Variants in WWOX observed in about 807,000 individuals in gnomAD.
WWOX encodes the protein WW domain-containing oxidoreductase.
A neutral mutation model predicts 46.2 loss-of-function variants in WWOX; 69 were observed. The observed-to-expected ratio is 1.49, with a 90% CI of 1.23 to 1.82. WWOX has a LOEUF of 1.82. Among genes scored for constraint, WWOX ranks in the 40% most tolerant of loss-of-function variants. The probability of loss-of-function intolerance (pLI) is 0.00; values close to 1 mark genes in which losing one functional copy is unlikely to be tolerated. For missense variants in WWOX, 919 were observed against 542.6 expected (o/e 1.69, Z -6.89); for synonymous variants, 359 against 202.6 (o/e 1.77, Z -6.56).
At chr16:78,450,644 T>C (rs2083669623) in intron 8 of WWOX, among the ~76,000 whole-genome samples, 1 of 152,220 alleles carries the variant, frequency 6.6e-6, no homozygotes, top group East Asian at 1.9e-4. Context: ...TTAATATTTC[T>C]AGGCAGGTGA....
At chr16:78,943,758 A>G (rs6564626) in intron 8 of WWOX, among the ~76,000 whole-genome samples, 32,024 of 151,766 alleles carry the variant, frequency 0.21, 5,188 homozygotes, top group African/African-American at 0.45. Context: ...GCTTCCTGCA[A>G]CTCCTTCTGG....
At chr16:78,325,157 G>C (rs2080584768) in intron 5 of WWOX, among the ~76,000 whole-genome samples, 2 of 152,210 alleles carry the variant, frequency 1.3e-5, no homozygotes, top group Admixed American at 6.5e-5. Context: ...GCACTGCTCA[G>C]AGGAACTGGT....
chr16:79,057,571 G>C (rs754768204), intron 8 of WWOX, among the ~76,000 whole-genome samples: 2 of 104,784 alleles, frequency 1.9e-5, no homozygotes, highest in East Asian at 2.2e-4. Context: ...TGCCTTCAGA[G>C]AGTTGGTGAT....
chr16:79,208,285 T>A (rs2051588559), intron 8 of WWOX, among the ~76,000 whole-genome samples: 2 of 152,086 alleles, frequency 1.3e-5, no homozygotes, highest in South Asian at 4.2e-4. Flanking sequence ...GTCAACAACC[T>A]AACTCATTGC....
intron 8 of WWOX, among the ~76,000 whole-genome samples, chr16:78,905,314 A>G (rs2044933933): frequency 6.6e-6 from 1 of 152,230 alleles, no homozygotes; most frequent in African/African-American, 2.4e-5. Context: ...AAGCAAATCT[A>G]AGAAAAATTC....
At chr16:79,033,651 C>T (rs1014749800) in intron 8 of WWOX, among the ~76,000 whole-genome samples, 13 of 152,102 alleles carry the variant, frequency 8.5e-5, no homozygotes, top group African/African-American at 2.7e-4. Flanking sequence ...CATGACCATC[C>T]ATCTCCAGAA....
intron 5 of WWOX, among the ~76,000 whole-genome samples, chr16:78,237,937 C>G (rs1597387398): frequency 6.6e-6 from 1 of 152,140 alleles, no homozygotes; most frequent in Non-Finnish European, 1.5e-5. Context: ...AATTTTCAGT[C>G]TTTTTTGTAG....
At chr16:78,710,148 C>A (rs2048408550) in intron 8 of WWOX, among the ~76,000 whole-genome samples, 1 of 151,964 alleles carries the variant, frequency 6.6e-6, no homozygotes, top group East Asian at 1.9e-4. Context: ...TCATGTTGAC[C>A]TGCTTGTGTT....
chr16:78,610,464 G>C (rs572177403), intron 8 of WWOX, among the ~76,000 whole-genome samples: 16 of 152,266 alleles, frequency 1.1e-4, no homozygotes, highest in Middle Eastern at 3.4e-3. Flanking sequence ...TTATTTAAAA[G>C]ATAAAAGGTC....
chr16:78,158,430 C>T (rs2034676437), intron 4 of WWOX, among the ~76,000 whole-genome samples: 1 of 152,138 alleles, frequency 6.6e-6, no homozygotes, highest in Admixed American at 6.5e-5. Flanking sequence ...GGTTGGTGTT[C>T]AAGCTCTGGA....
chr16:78,761,130 C>A (rs576474576), intron 8 of WWOX, among the ~76,000 whole-genome samples: 4 of 152,158 alleles, frequency 2.6e-5, no homozygotes, highest in Non-Finnish European at 5.9e-5. Context: ...ATATTACAGG[C>A]TAATGACTGA....
At chr16:78,591,379 T>C (rs1020138385) in intron 8 of WWOX, among the ~76,000 whole-genome samples, 4 of 152,156 alleles carry the variant, frequency 2.6e-5, no homozygotes, top group Non-Finnish European at 5.9e-5. Context: ...GTTTAGGCCA[T>C]GGAAGAGTAA....
chr16:78,207,120 C>T (rs2036420219), intron 5 of WWOX, among the ~76,000 whole-genome samples: 3 of 152,184 alleles, frequency 2.0e-5, no homozygotes, highest in African/African-American at 4.8e-5. Context: ...ATACCTATTG[C>T]TCATTTTTAC....
chr16:78,355,804 C>G, intron 5 of WWOX: 2 of 720,910 alleles, frequency 2.8e-6, no homozygotes, highest in Non-Finnish European at 2.4e-6. Flanking sequence ...ATGGCATTTT[C>G]CTGGTTGCCC....
intron 4 of WWOX, among the ~76,000 whole-genome samples, chr16:78,149,876 C>G (rs1480258842): frequency 6.6e-6 from 1 of 152,158 alleles, no homozygotes; most frequent in African/African-American, 2.4e-5. Context: ...GAAGGAAACA[C>G]TGTGTCTTCC....
chr16:78,954,638 C>G (rs1012010993), intron 8 of WWOX, among the ~76,000 whole-genome samples: 1 of 152,020 alleles, frequency 6.6e-6, no homozygotes, highest in Non-Finnish European at 1.5e-5. Context: ...CAGACCTGAC[C>G]TCAATGATTT....
chr16:79,201,507 C>T (rs149368638), intron 8 of WWOX, among the ~76,000 whole-genome samples: 9 of 152,104 alleles, frequency 5.9e-5, no homozygotes, highest in Admixed American at 1.3e-4. Flanking sequence ...GTCCCTTGTG[C>T]CATCAAATTA....
intron 8 of WWOX, among the ~76,000 whole-genome samples, chr16:79,199,972 G>T (rs1330071876): frequency 6.6e-6 from 1 of 152,100 alleles, no homozygotes; most frequent in Non-Finnish European, 1.5e-5. Flanking sequence ...TTAACTGTGG[G>T]GGCAGAGAGT....
At position 78,498,214 on chromosome 16, in the gene WWOX, A is replaced by AAAAAAAAAAAAAAAAG. The variant is rs59419812; in HGVS notation, c.1056+65466_1056+65467insAAAAAAAAAAAGAAAA. On this transcript the variant is annotated intron_variant, in intron 8 of 8. Transcript: ENST00000566780. ...AGCAAGACTCCATCTCAAAAAAAAA[A>AAAAAAAAAAAAAAAAG]AAAAGAAAAAAAAGCATCAGGGTTG... Among the ~76,000 whole-genome samples, 4 of 128,192 alleles carry AAAAAAAAAAAAAAAAG rather than the reference A, an allele frequency of 3.1e-5. 1 individual carries two copies. Among genetic ancestry groups the AAAAAAAAAAAAAAAAG allele is most frequent in the Non-Finnish European group, 3.2e-5 (2 of 62,352 alleles). The allele number at this position is 128,192 out of a possible 152,430, so 84.1% of individuals were successfully genotyped here. A position where few individuals can be genotyped will look rare whatever the true frequency, so the allele number is the denominator to read the frequency against.
Sources: gnomAD v4.1 joint callset for allele counts (sites outside exome capture counted in the v4.1 genomes callset) on GRCh38, gnomAD v4.1.1 for gene constraint, MANE v1.5 for transcripts, NCBI Gene and HGNC (gene_info 2026-07-23, HGNC 2026-07-21) for gene names.